The following MAP3K5 variants were observed in gnomAD, a reference collection of about 807,000 sequenced individuals.
The protein encoded by MAP3K5 is mitogen-activated protein kinase kinase kinase 5.
A neutral mutation model predicts 158.7 loss-of-function variants in MAP3K5; 56 were observed. The observed-to-expected ratio is 0.35, with a 90% CI of 0.28 to 0.44. MAP3K5 has a LOEUF of 0.44. Ranked by LOEUF, MAP3K5 falls within the 20% of genes least tolerant of loss-of-function variation. MAP3K5 has a pLI of 1.00. For missense variants in MAP3K5, 1,294 were observed against 1,674.8 expected (o/e 0.77, Z 3.97); for synonymous variants, 579 against 601.7 (o/e 0.96, Z 0.55).
At chr6:136,653,919 G>A (rs1394398506) in intron 10 of MAP3K5, among the ~76,000 whole-genome samples, 1 of 152,244 alleles carries the variant, frequency 6.6e-6, no homozygotes, top group Admixed American at 6.5e-5. Context: ...GAGTAGCTGA[G>A]TTATGAATTC....
At chr6:136,574,192 A>C (rs1774494456) in intron 25 of MAP3K5, among the ~76,000 whole-genome samples, 1 of 152,054 alleles carries the variant, frequency 6.6e-6, no homozygotes, top group African/African-American at 2.4e-5. Context: ...TGGCCTCCCA[A>C]AGTGCTGAGA....
chr6:136,579,970 A>C, intron 25 of MAP3K5: 1 of 427,886 alleles, frequency 2.3e-6, no homozygotes, highest in Admixed American at 2.8e-5. Flanking sequence ...TTTGGGAACC[A>C]CTGGGTAAAA....
At position 136,787,509 on chromosome 6, in the gene MAP3K5, C is replaced by A. The variant is rs79358311; in HGVS notation, c.448+4201G>T. Among the ~76,000 whole-genome samples the A allele has an allele frequency of 8.4e-3, 1,280 of 152,326 alleles. 20 individuals are homozygous for A. Among genetic ancestry groups the A allele is most frequent in the African/African-American group, 0.028 (1,163 of 41,556 alleles). ...CTCAGATACCAATTATTCCAACACTCCACTCTTTTCTGAGGCTTTAAATGA... is the reference window on the plus strand; with the variant it reads ...CTCAGATACCAATTATTCCAACACTACACTCTTTTCTGAGGCTTTAAATGA... On this transcript the variant is annotated intron_variant, in intron 1 of 29. Transcript: ENST00000359015.
At chr6:136,628,333 G>A (rs1017260827) in intron 14 of MAP3K5, among the ~76,000 whole-genome samples, 3 of 151,714 alleles carry the variant, frequency 2.0e-5, no homozygotes, top group African/African-American at 7.3e-5. Context: ...GGCTGGCCTT[G>A]AACTCCTGGC....
At chr6:136,749,016 T>C (rs1783077717) in intron 1 of MAP3K5, among the ~76,000 whole-genome samples, 1 of 152,236 alleles carries the variant, frequency 6.6e-6, no homozygotes. Flanking sequence ...TTATATAATA[T>C]GCTCAAAACT....
chr6:136,571,796 T>G (rs1334259040), intron 25 of MAP3K5, among the ~76,000 whole-genome samples: 1 of 152,202 alleles, frequency 6.6e-6, no homozygotes, highest in African/African-American at 2.4e-5. Context: ...TTCACAAGGG[T>G]GCTTTCTTCT....
In MAP3K5 at chr6:136,613,278, T is replaced by C. The variant is rs1205108889; in HGVS notation, c.2279-22A>G. The C allele has an allele frequency of 3.1e-6, 5 of 1,600,658 alleles. No homozygotes were observed. Among genetic ancestry groups the C allele is most frequent in the Non-Finnish European group, 4.3e-6 (5 of 1,173,400 alleles). ...CTTCCTGTAAAGTAGGGATAAATAG[T>C]AAATAAATCCTCATTCAAATGAGCT... On this transcript the variant is annotated intron_variant, in intron 16 of 29. Transcript: ENST00000359015. The surrounding 1 kb of genome is among the most constrained non-coding windows in gnomAD (Gnocchi z 4.0).
rs762025806 is a variant in MAP3K5, at chr6:136,720,529, C to T, written c.509G>A (p.Gly170Glu). The change falls in exon 2 of 30, where the codon GGG becomes GAG. Residue 170 changes from glycine (G) to glutamate (E), a missense_variant. Physicochemically the swap from Gly to Glu is moderately conservative, Grantham distance 98 (BLOSUM62 -2). Transcript: ENST00000359015. The part of the protein sequence containing the change: ...FRQPSLFYHL[G>E]VRESFSMANN... ...GGCCATGCTGAAACTTTCTCTCACC[C>T]CAAGGTGGTAAAACAAGGACGGCTG... is the stretch of plus-strand genomic sequence containing the variant. 1 of 1,613,342 alleles carries T rather than the reference C, an allele frequency of 6.2e-7. No homozygotes were observed. The highest frequency in any genetic ancestry group is 8.5e-7 in the Non-Finnish European group (1 of 1,179,646).
chr6:136,705,087 G>C (rs927693511), intron 3 of MAP3K5, 23 bp downstream of exon 3: 1 of 1,125,538 alleles, frequency 8.9e-7, no homozygotes. Flanking sequence ...TTAAAACTCT[G>C]GAAGGTTAAA....
chr6:136,698,756 C>A, intron 3 of MAP3K5, 74 bp from the exon 4 acceptor site: 2 of 1,000,594 alleles, frequency 2.0e-6, no homozygotes, highest in Non-Finnish European at 3.0e-6. Flanking sequence ...CCACGTCTTA[C>A]TCATTTTAAA....
chr6:136,720,216 G>A (rs979592804), intron 2 of MAP3K5, among the ~76,000 whole-genome samples: 1 of 152,022 alleles, frequency 6.6e-6, no homozygotes, highest in Admixed American at 6.6e-5. Flanking sequence ...AGTCTCCTCC[G>A]CTACAACCAT....
At position 136,651,015 on chromosome 6, in the gene MAP3K5, A is replaced by G; in HGVS notation, c.1757T>C (p.Ile586Thr). ...ATCAGGAAGCACGTGCCAAATAGAG[A>G]TTGTCTTTTCCTCAACTTCATTGTT... The part of the protein sequence containing the change: ...SINNEVEEKT[I>T]SIWHVLPDDK... The change falls in exon 11 of 30, where the codon ATC becomes ACC. Residue 586 changes from isoleucine (I) to threonine (T), a missense_variant. By Grantham distance (89) the Ile-to-Thr change is moderately conservative. Coordinates refer to ENST00000359015, the MANE Select transcript of MAP3K5 (RefSeq NM_005923.4). 6.2e-7 allele frequency: 1 copy of G among 1,612,010 alleles called. No homozygotes were observed. The highest frequency in any genetic ancestry group is 1.3e-5 in the African/African-American group (1 of 74,986).
At chr6:136,765,683 T>C (rs1439356993) in intron 1 of MAP3K5, among the ~76,000 whole-genome samples, 1 of 144,414 alleles carries the variant, frequency 6.9e-6, no homozygotes, top group Non-Finnish European at 1.5e-5. Context: ...TGGCTAATTT[T>C]TTTTTTTTTT....
chr6:136,740,106 T>C (rs1199958071), intron 1 of MAP3K5, among the ~76,000 whole-genome samples: 1 of 152,214 alleles, frequency 6.6e-6, no homozygotes, highest in Non-Finnish European at 1.5e-5. Flanking sequence ...AAGGTAATGA[T>C]GGAAATTTTA....
chr6:136,767,539 A>G (rs1784015554), intron 1 of MAP3K5, among the ~76,000 whole-genome samples: 1 of 152,206 alleles, frequency 6.6e-6, no homozygotes, highest in South Asian at 2.1e-4. Flanking sequence ...GTCACTAGGT[A>G]AGAAGCAAAA....
At chr6:136,753,078 T>C (rs1783294487) in intron 1 of MAP3K5, among the ~76,000 whole-genome samples, 1 of 152,204 alleles carries the variant, frequency 6.6e-6, no homozygotes, top group Non-Finnish European at 1.5e-5. Context: ...TCCTTCCTGG[T>C]ACTTATCCCA....
intron 1 of MAP3K5, among the ~76,000 whole-genome samples, chr6:136,764,971 AT>A (rs1380073796): frequency 1.3e-5 from 2 of 152,130 alleles, no homozygotes; most frequent in African/African-American, 4.8e-5. Context: ...GGGGATCAGT[AT>A]TACCATGTGT....
At chr6:136,703,471 A>C (rs1780939409) in intron 3 of MAP3K5, among the ~76,000 whole-genome samples, 2 of 152,220 alleles carry the variant, frequency 1.3e-5, no homozygotes. Flanking sequence ...TCTACACAAC[A>C]GTTACACATG....
chr6:136,660,622 T>C (rs538450613), intron 8 of MAP3K5, among the ~76,000 whole-genome samples: 2 of 152,206 alleles, frequency 1.3e-5, no homozygotes, highest in Non-Finnish European at 1.5e-5. Flanking sequence ...TAAGTATTTG[T>C]TTGCTTAAAA....
Sources: allele counts gnomAD v4.1 joint callset (sites outside exome capture counted in the v4.1 genomes callset), GRCh38; gene constraint gnomAD v4.1.1; non-coding constraint Gnocchi (gnomAD v3.1); transcripts MANE v1.5; gene names NCBI Gene and HGNC (gene_info 2026-07-23, HGNC 2026-07-21).